CACNG8: variants seen among roughly 807,000 people sequenced by gnomAD.
The protein encoded by CACNG8 is calcium voltage-gated channel auxiliary subunit gamma 8, also known as voltage-dependent calcium channel gamma-8 subunit.
Under a neutral mutation model 26.9 loss-of-function variants are expected in CACNG8, and 5 were observed. The observed-to-expected ratio is 0.19, with a 90% confidence interval of 0.10 to 0.39. The LOEUF (loss-of-function observed/expected upper bound fraction) is 0.39. Ranked by LOEUF, CACNG8 falls within the 10% of genes least tolerant of loss-of-function variation. The pLI is 1.00. For synonymous variants in CACNG8, 321 were observed against 296.7 expected (o/e 1.08, Z -0.84); for missense variants, 473 against 609.4 (o/e 0.78, Z 2.36).
rs547373945 is a variant in CACNG8, at chr19:53,966,897, G to A, written c.283+3472G>A. Reference sequence around the variant, plus strand: ...GGGTGGGGGCAGCAGGGTTTGGGAAGTTGTTTGAATTTTGAGTATATTCTG... The same window carrying A: ...GGGTGGGGGCAGCAGGGTTTGGGAAATTGTTTGAATTTTGAGTATATTCTG... On this transcript the variant is annotated intron_variant, in intron 1 of 3. Coordinates refer to ENST00000270458, the MANE Select transcript of CACNG8 (RefSeq NM_031895.6). Among the ~76,000 whole-genome samples the A allele has an allele frequency of 7.9e-5, 12 of 152,328 alleles. No individual in the cohort carries two copies. The East Asian group carries it at 2.3e-3, about 29-fold the overall frequency.
Position 53,982,935 on chromosome 19 carries a change from C to T in CACNG8, c.*86C>T, listed in dbSNP as rs928831110. 4 of 932,268 alleles carry T rather than the reference C, an allele frequency of 4.3e-6. No individual in the cohort carries two copies. The highest frequency in any genetic ancestry group is 5.4e-6 in the Non-Finnish European group (4 of 738,178). The allele number at this position is 932,268 out of a possible 1,614,324, so 57.7% of individuals were successfully genotyped here. On this transcript the variant is annotated 3_prime_UTR_variant, in exon 4 of 4. Coordinates refer to ENST00000270458, the MANE Select transcript of CACNG8 (RefSeq NM_031895.6). The surrounding 1 kb of genome is among the most constrained non-coding windows in gnomAD (Gnocchi z 8.4). ...AGGCTGCCGGGGTCGGGGGCGCCCC[C>T]GCTTTCCCCCGTGAGCGCGCTGGAG...
chr19:53,970,240 C>T (rs2069294598), intron 1 of CACNG8, among the ~76,000 whole-genome samples: 1 of 152,138 alleles, frequency 6.6e-6, no homozygotes, highest in African/African-American at 2.4e-5. Context: ...CGCTTGAACC[C>T]AGGAGGCAGA....
Position 53,982,314 on chromosome 19 carries a change from G to A in CACNG8, c.743G>A (p.Gly248Asp). Residue 248 changes from glycine (G) to aspartate (D), a missense_variant, in exon 4 of 4, where the codon GGC becomes GAC. Coordinates refer to ENST00000270458, the MANE Select transcript of CACNG8 (RefSeq NM_031895.6). The surrounding 1 kb of genome is among the most constrained non-coding windows in gnomAD (Gnocchi z 8.4). ...TCGGACCTGCTCAAGGCCGGCGGGG[G>A]CGCGGGCGGCAGTGGCGGGAGCGGC... The A allele has an allele frequency of 6.3e-7, 1 of 1,596,414 alleles. No individual in the cohort carries two copies. Among genetic ancestry groups the A allele is most frequent in the Non-Finnish European group, 8.5e-7 (1 of 1,173,194 alleles).
At position 53,982,546 on chromosome 19, in the gene CACNG8, C is replaced by T; in HGVS notation, c.975C>T (p.Ala325=). Residue 325 remains alanine (A), a synonymous_variant, in exon 4 of 4, where the codon GCC becomes GCT. Coordinates refer to ENST00000270458, the MANE Select transcript of CACNG8 (RefSeq NM_031895.6). This position sits in a 1 kb window ranked among gnomAD's most constrained non-coding sequence, Gnocchi z 8.4. ...GCGTGGCCGCGGGGCTGGCGGGGGCCGGCGGCGGCGGCGGCGGCGCCGTGG... is the reference window on the plus strand; with the variant it reads ...GCGTGGCCGCGGGGCTGGCGGGGGCTGGCGGCGGCGGCGGCGGCGCCGTGG... The T allele has an allele frequency of 4.4e-6, 5 of 1,134,716 alleles. No individual in the cohort carries two copies. Among genetic ancestry groups the T allele is most frequent in the Non-Finnish European group, 5.4e-6 (5 of 920,276 alleles). 70.3% of individuals were successfully genotyped at this position (1,134,716 alleles called of 1,614,324 possible).
At chr19:53,965,788 G>T (rs1260219553) in intron 1 of CACNG8, among the ~76,000 whole-genome samples, 1 of 151,816 alleles carries the variant, frequency 6.6e-6, no homozygotes, top group African/African-American at 2.4e-5. Context: ...TGGGGGAGGG[G>T]ATGGGAGGGG....
At chr19:53,974,082 T>C (rs2069317387) in intron 1 of CACNG8, among the ~76,000 whole-genome samples, 1 of 152,100 alleles carries the variant, frequency 6.6e-6, no homozygotes, top group South Asian at 2.1e-4. Context: ...TCTTGCAAAA[T>C]GGAAACTCAG....
At chr19:53,981,739 G>A (rs1039643564) in intron 3 of CACNG8, among the ~76,000 whole-genome samples, 1 of 151,996 alleles carries the variant, frequency 6.6e-6, no homozygotes, top group African/African-American at 2.4e-5. Flanking sequence ...TGGACCATTG[G>A]CGGCCCTACA....
At chr19:53,971,419 ATAT>A (rs373457571) in intron 1 of CACNG8, among the ~76,000 whole-genome samples, 5 of 152,356 alleles carry the variant, frequency 3.3e-5, no homozygotes, top group Non-Finnish European at 7.3e-5. Context: ...TATTAATGAA[ATAT>A]TATACATAGA....
chr19:53,963,301 C>A lies in CACNG8; in HGVS notation c.159C>A (p.Asn53Lys). Reference sequence around the variant, plus strand: ...TCTACACGCGCGCCCTCATCTGCAACACCACCAACCTCACGGCCGGCGGCG... The same window carrying A: ...TCTACACGCGCGCCCTCATCTGCAAAACCACCAACCTCACGGCCGGCGGCG... Residue 53 changes from asparagine to lysine, a missense_variant, in exon 1 of 4, where the codon AAC becomes AAA. Physicochemically the swap from Asn to Lys is moderately conservative, Grantham distance 94. This residue lies in a region of CACNG8 where 69 missense variants were observed against 66.7 expected (regional missense o/e 1.03). Coordinates refer to ENST00000270458, the MANE Select transcript of CACNG8 (RefSeq NM_031895.6). The A allele has an allele frequency of 2.5e-6, 4 of 1,607,954 alleles. No individual in the cohort carries two copies. The highest frequency in any genetic ancestry group is 3.4e-6 in the Non-Finnish European group (4 of 1,179,068).
rs766454483 is a variant in CACNG8, at chr19:53,982,405, C to T, written c.834C>T (p.Ser278=). 1 of 1,524,046 alleles carries T rather than the reference C, an allele frequency of 6.6e-7. No homozygotes were observed. The highest frequency in any genetic ancestry group is 8.8e-7 in the Non-Finnish European group (1 of 1,142,026). 94.4% of individuals were successfully genotyped at this position (1,524,046 alleles called of 1,614,324 possible). A position where few individuals can be genotyped will look rare whatever the true frequency, so the allele number is the denominator to read the frequency against. ...ACCGCCGCCGCTCCCGCTCTAGCTCCCGCTCCAGCGAGCCGTCGCCGTCGC... is the reference window on the plus strand; with the variant it reads ...ACCGCCGCCGCTCCCGCTCTAGCTCTCGCTCCAGCGAGCCGTCGCCGTCGC... Residue 278 remains serine (S), a synonymous_variant, in exon 4 of 4, where the codon TCC becomes TCT. Transcript: ENST00000270458. This position sits in a 1 kb window ranked among gnomAD's most constrained non-coding sequence, Gnocchi z 8.4.
At chr19:53,979,514 G>A (rs1478792100) in intron 2 of CACNG8, among the ~76,000 whole-genome samples, 2 of 151,874 alleles carry the variant, frequency 1.3e-5, no homozygotes, top group Non-Finnish European at 2.9e-5. Context: ...GAGGAAGGAA[G>A]GGACGAGAAA....
chr19:53,966,191 G>C (rs988977369), intron 1 of CACNG8, among the ~76,000 whole-genome samples: 7 of 152,132 alleles, frequency 4.6e-5, no homozygotes, highest in Admixed American at 1.3e-4. Context: ...GGGTTCAAGC[G>C]ATTCTCATAC....
chr19:53,982,762 G>A lies in CACNG8; in HGVS notation c.1191G>A (p.Ala397=). 1 of 1,244,990 alleles carries A rather than the reference G, an allele frequency of 8.0e-7. No homozygotes were observed. Among genetic ancestry groups the A allele is most frequent in the South Asian group, 2.6e-5 (1 of 38,260 alleles). The allele number at this position is 1,244,990 out of a possible 1,614,324, so 77.1% of individuals were successfully genotyped here. The change falls in exon 4 of 4, where the codon GCG becomes GCA. Residue 397 remains alanine (A), a synonymous_variant. Coordinates refer to ENST00000270458, the MANE Select transcript of CACNG8 (RefSeq NM_031895.6). This position sits in a 1 kb window ranked among gnomAD's most constrained non-coding sequence, Gnocchi z 8.4. ...CCCCGCCCGCGCCCGCGCCACCCGC[G>A]CCCTCTGCGCCCGCCCCCGGGACCC...
intron 1 of CACNG8, among the ~76,000 whole-genome samples, chr19:53,969,952 C>T (rs62145087): frequency 0.47 from 70,528 of 150,152 alleles, 16,745 homozygotes; most frequent in Middle Eastern, 0.59. Context: ...GTCAACATGG[C>T]GAAACCCTGT....
rs999926331 is a variant in CACNG8 at position 53,980,114 on chromosome 19, G to C, written c.508+107G>C. ...CGCGCGCGCGTGAGTGCAAGTGCGC[G>C]TTCGTGTGTCTGCAAAGCCACCTTG... On this transcript the variant is annotated intron_variant, in intron 3 of 3. Transcript: ENST00000270458. 4.8e-6 allele frequency: 6 copies of C among 1,242,854 alleles called. No homozygotes were observed. In the African/African-American group the frequency reaches 9.3e-5, roughly 19 times the overall value. The allele number at this position is 1,242,854 out of a possible 1,614,324, so 77.0% of individuals were successfully genotyped here.
At position 53,963,403 on chromosome 19, in the gene CACNG8, C is replaced by T. The variant is rs1288002227; in HGVS notation, c.261C>T (p.Leu87=). Reference sequence around the variant, plus strand: ...CCGGCGGCCTCACGCACTCGGGCCTCTGGAGGATCTGCTGCCTGGAAGGTA... The same window carrying T: ...CCGGCGGCCTCACGCACTCGGGCCTTTGGAGGATCTGCTGCCTGGAAGGTA... The change falls in exon 1 of 4, where the codon CTC becomes CTT. Residue 87 remains leucine (L), a synonymous_variant. Transcript: ENST00000270458. 3.2e-6 allele frequency: 5 copies of T among 1,539,340 alleles called. No individual in the cohort carries two copies. In the African/African-American group the frequency reaches 4.2e-5, roughly 13 times the overall value.
At chr19:53,970,556 C>T (rs1600027474) in intron 1 of CACNG8, among the ~76,000 whole-genome samples, 1 of 149,598 alleles carries the variant, frequency 6.7e-6, no homozygotes, top group East Asian at 2.0e-4. Flanking sequence ...ACCCAGGAGG[C>T]GGAGGTTGCT....
At position 53,983,019 on chromosome 19, in the gene CACNG8, C is replaced by T. The variant is rs180860342; in HGVS notation, c.*170C>T. The stretch of plus-strand genomic sequence containing the variant: ...CCCCCCTCCCCCTCCGAAGCAGGGA[C>T]CCCGAGGGAGGGGGCAGGGGAGGGA... On this transcript the variant is annotated 3_prime_UTR_variant, in exon 4 of 4. Transcript: ENST00000270458. The T allele has an allele frequency of 3.2e-6, 1 of 317,020 alleles. No homozygotes were observed. The allele number at this position is 317,020 out of a possible 1,614,324, so 19.6% of individuals were successfully genotyped here.
intron 2 of CACNG8, 63 bp from the exon 3 acceptor site, chr19:53,979,804 C>T: frequency 2.7e-6 from 4 of 1,494,608 alleles, no homozygotes; most frequent in Non-Finnish European, 3.6e-6. Context: ...GGGAAGGGGG[C>T]GCAGGCGGCC....
Sources: allele counts gnomAD v4.1 joint callset (sites outside exome capture counted in the v4.1 genomes callset), GRCh38; gene constraint gnomAD v4.1.1; regional missense constraint gnomAD v4.1.1; non-coding constraint Gnocchi (gnomAD v3.1); transcripts MANE v1.5; gene names NCBI Gene and HGNC (gene_info 2026-07-23, HGNC 2026-07-21).